The following GALNT13 variants were observed in gnomAD, a reference collection of about 807,000 sequenced individuals.
GALNT13 encodes the protein polypeptide N-acetylgalactosaminyltransferase 13, also known as UDP-GalNAc:polypeptide N-acetylgalactosaminyltransferase 13.
GALNT13 carries 28 observed loss-of-function variants against 64.2 expected under a neutral mutation model. That is an observed-to-expected ratio of 0.44 (90% CI 0.32 to 0.60). The LOEUF (loss-of-function observed/expected upper bound fraction) is 0.60, where lower values mean the gene tolerates loss of function less well. Among genes scored for constraint, GALNT13 ranks in the 20% least tolerant of loss-of-function variants. The pLI is 0.05. For missense variants in GALNT13, 577 were observed against 669.8 expected, an observed-to-expected ratio of 0.86 and a Z score of 1.53; for synonymous variants, 214 against 224.6, an observed-to-expected ratio of 0.95 and a Z score of 0.42.
the GALNT13 span, among the ~76,000 whole-genome samples, chr2:153,811,389 G>A: frequency 2.0e-5 from 3 of 152,098 alleles, no homozygotes; most frequent in Admixed American, 1.3e-4. Context: ...CTTTACCTCT[G>A]TTTACTGGTT....
intron 9 of GALNT13, among the ~76,000 whole-genome samples, chr2:154,304,068 A>G (rs1005506752): frequency 3.9e-5 from 6 of 152,138 alleles, no homozygotes; most frequent in African/African-American, 1.2e-4. Context: ...TTTTTTATAT[A>G]TAAGTACCTA....
upstream of GALNT13, among the ~76,000 whole-genome samples, chr2:153,868,966 A>G (rs1272655858): frequency 6.6e-6 from 1 of 152,214 alleles, no homozygotes; most frequent in Non-Finnish European, 1.5e-5. Flanking sequence ...AATGATAACT[A>G]CCTGATTTTT....
chr2:153,543,443 G>A, the GALNT13 span, among the ~76,000 whole-genome samples: 3 of 152,094 alleles, frequency 2.0e-5, no homozygotes, highest in African/African-American at 7.2e-5. Flanking sequence ...ATATTACAAG[G>A]TCATAAACCT....
chr2:154,425,134 T>G (rs1304126804), intron 11 of GALNT13, among the ~76,000 whole-genome samples: 1 of 152,192 alleles, frequency 6.6e-6, no homozygotes, highest in Non-Finnish European at 1.5e-5. Context: ...AGAATCTTTA[T>G]ATATGTAACA....
chr2:153,441,261 T>C, the GALNT13 span, among the ~76,000 whole-genome samples: 41 of 152,312 alleles, frequency 2.7e-4, no homozygotes, highest in South Asian at 8.3e-3. Context: ...TGGTTGTATA[T>C]GTGTGGCATT....
At chr2:154,101,284 C>G (rs931468469) in intron 3 of GALNT13, among the ~76,000 whole-genome samples, 6 of 151,702 alleles carry the variant, frequency 4.0e-5, no homozygotes, top group African/African-American at 1.5e-4. Flanking sequence ...AAGATTGGTA[C>G]CCGTTCTTTT....
intron 4 of GALNT13, among the ~76,000 whole-genome samples, chr2:154,179,808 G>A (rs1365396584): frequency 6.8e-6 from 1 of 147,164 alleles, no homozygotes; most frequent in Non-Finnish European, 1.5e-5. Flanking sequence ...TCTGGTTTGG[G>A]GACCCTCTTC....
the GALNT13 span, among the ~76,000 whole-genome samples, chr2:153,672,330 A>G: frequency 2.0e-5 from 3 of 152,212 alleles, no homozygotes; most frequent in African/African-American, 7.2e-5. Flanking sequence ...AATGTAAAAG[A>G]ACAGAAATCA....
the GALNT13 span, among the ~76,000 whole-genome samples, chr2:153,266,691 C>G: frequency 6.6e-6 from 1 of 152,110 alleles, no homozygotes; most frequent in Non-Finnish European, 1.5e-5. Context: ...ATGATCCAAT[C>G]ACATTGAACT....
the GALNT13 span, among the ~76,000 whole-genome samples, chr2:153,847,874 A>G: frequency 6.6e-6 from 1 of 152,284 alleles, no homozygotes; most frequent in East Asian, 1.9e-4. Context: ...TACAAAAAAT[A>G]TGGGATTTTA....
chr2:153,875,863 A>T (rs1291436545), intron 1 of GALNT13, among the ~76,000 whole-genome samples: 2 of 152,282 alleles, frequency 1.3e-5, no homozygotes, highest in South Asian at 4.1e-4. Flanking sequence ...AATTTGCCTT[A>T]TTAGACATGA....
chr2:153,510,341 G>A, the GALNT13 span, among the ~76,000 whole-genome samples: 11 of 152,058 alleles, frequency 7.2e-5, no homozygotes, highest in African/African-American at 1.7e-4. Flanking sequence ...CATAAGCTAC[G>A]GCCAGAATCT....
intron 8 of GALNT13, among the ~76,000 whole-genome samples, chr2:154,278,905 CTATCATTTCATTT>C (rs1241700370): frequency 7.2e-5 from 11 of 151,960 alleles, no homozygotes; most frequent in African/African-American, 2.7e-4. Context: ...TTTGTATTTT[CTATCATTTCATTT>C]TATCATAAAT....
chr2:153,789,146 T>C, the GALNT13 span, among the ~76,000 whole-genome samples: 1 of 152,086 alleles, frequency 6.6e-6, no homozygotes, highest in Non-Finnish European at 1.5e-5. Context: ...ACAGAATATA[T>C]ATTCTTCTTA....
At chr2:154,304,353 C>G (rs1389434944) in intron 9 of GALNT13, among the ~76,000 whole-genome samples, 1 of 152,092 alleles carries the variant, frequency 6.6e-6, no homozygotes, top group Non-Finnish European at 1.5e-5. Context: ...TTTATATAAC[C>G]TTTTCATTTT....
the GALNT13 span, among the ~76,000 whole-genome samples, chr2:153,540,841 C>A: frequency 1.3e-5 from 2 of 152,166 alleles, no homozygotes; most frequent in Non-Finnish European, 2.9e-5. Context: ...TATCTGTACC[C>A]CCATTGTATC....
intron 8 of GALNT13, chr2:154,287,439 C>T: frequency 2.4e-6 from 1 of 420,738 alleles, no homozygotes; most frequent in Non-Finnish European, 4.5e-6. Flanking sequence ...CCCACCCTGC[C>T]TTCACCTCTG....
chr2:153,797,260 C>G, the GALNT13 span, among the ~76,000 whole-genome samples: 4 of 152,172 alleles, frequency 2.6e-5, no homozygotes, highest in Non-Finnish European at 5.9e-5. Flanking sequence ...TCTGAAAGAA[C>G]GAATGTCCAG....
chr2:154,447,357 G>A (rs577216950), intron 12 of GALNT13, among the ~76,000 whole-genome samples: 4 of 151,926 alleles, frequency 2.6e-5, no homozygotes, highest in South Asian at 2.1e-4. Context: ...GGTTGCCTAA[G>A]TGAAACAATA....
Sources: gnomAD v4.1 joint callset for allele counts (sites outside exome capture counted in the v4.1 genomes callset) on GRCh38, gnomAD v4.1.1 for gene constraint, MANE v1.5 for transcripts, NCBI Gene and HGNC (gene_info 2026-07-23, HGNC 2026-07-21) for gene names.